ADSL: variants seen among roughly 807,000 people sequenced by gnomAD.
ADSL encodes adenylosuccinate lyase, also known as adenylosuccinase.
ADSL carries 44 observed loss-of-function variants against 62.1 expected under a neutral mutation model. The observed-to-expected ratio is 0.71, with a 90% CI of 0.56 to 0.91. The LOEUF (loss-of-function observed/expected upper bound fraction) is 0.91. ADSL is among the 40% of genes least tolerant of loss of function. The probability of loss-of-function intolerance (pLI) is 0.00; values close to 1 mark genes in which losing one functional copy is unlikely to be tolerated. For missense variants in ADSL, 531 were observed against 627.4 expected, an observed-to-expected ratio of 0.85 and a Z score of 1.64; for synonymous variants, 198 against 220.5, an observed-to-expected ratio of 0.90 and a Z score of 0.90.
At chr22:40,387,354 A>C in intron 2 of ADSL, 1 of 395,124 alleles carries the variant, frequency 2.5e-6, no homozygotes. Context: ...TCTGCAAATG[A>C]AACATTTCCG....
intron 2 of ADSL, among the ~76,000 whole-genome samples, chr22:40,377,562 G>A (rs2046842896): frequency 6.6e-6 from 1 of 152,208 alleles, no homozygotes; most frequent in African/African-American, 2.4e-5. Flanking sequence ...TAGGCCTGGT[G>A]TCGTGGCTCA....
downstream of ADSL, among the ~76,000 whole-genome samples, chr22:40,370,249 G>A (rs1326211122): frequency 1.3e-5 from 2 of 151,738 alleles, no homozygotes; most frequent in Admixed American, 6.6e-5. Flanking sequence ...CCAGCTACTC[G>A]GGAGGCTGAG....
chr22:40,377,556 C>T (rs1327573228), intron 2 of ADSL, among the ~76,000 whole-genome samples: 1 of 152,150 alleles, frequency 6.6e-6, no homozygotes, highest in East Asian at 1.9e-4. Context: ...TTAAAATAGG[C>T]CTGGTGTCGT....
intron 3 of ADSL, chr22:40,353,338 C>G (rs767655083): frequency 4.3e-6 from 3 of 703,424 alleles, no homozygotes; most frequent in African/African-American, 3.5e-5. Flanking sequence ...GCCAGAGTCT[C>G]ATTCTGTCAA....
chr22:40,348,835 C>T (rs2044240910), intron 1 of ADSL: 2 of 368,440 alleles, frequency 5.4e-6, no homozygotes, highest in South Asian at 3.0e-4. Flanking sequence ...TCAGTTTCAC[C>T]ACTGTTTGTA....
chr22:40,353,151 A>G, intron 3 of ADSL, 34 bp downstream of exon 3: 1 of 1,578,942 alleles, frequency 6.3e-7, no homozygotes, highest in African/African-American at 1.3e-5. Flanking sequence ...TACCAACCCT[A>G]GATTCCCTAT....
Position 40,386,314 on chromosome 22 carries a change from G to A in ADSL, c.90-3916G>A, listed in dbSNP as rs1006008749. ...TGATTGTTGAAATCAGCATTATTAA[G>A]TGTGAAATAATATAAAGATATGGAC... On this transcript the variant is annotated intron_variant, in intron 2 of 2. Coordinates refer to the ADSL transcript ENST00000498234. 2.1e-4 allele frequency among the ~76,000 whole-genome samples: 32 copies of A among 152,144 alleles called. 1 individual carries two copies. The highest frequency in any genetic ancestry group is 1.8e-3 in the Admixed American group (28 of 15,276).
chr22:40,363,654 T>G (rs1025016376), intron 10 of ADSL, among the ~76,000 whole-genome samples: 1 of 150,820 alleles, frequency 6.6e-6, no homozygotes, highest in Non-Finnish European at 1.5e-5. Flanking sequence ...GAAAATTGCT[T>G]GAACCCAGGA....
At chr22:40,387,380 G>T in intron 2 of ADSL, 2 of 390,336 alleles carry the variant, frequency 5.1e-6, no homozygotes, top group Non-Finnish European at 9.0e-6. Context: ...TATATAGATG[G>T]TAATGGCAAA....
At chr22:40,362,906 A>G in intron 9 of ADSL, 75 bp from the exon 10 acceptor site, 1 of 1,350,552 alleles carries the variant, frequency 7.4e-7, no homozygotes, top group South Asian at 1.2e-5. Context: ...CAGTAGGGCA[A>G]CTTGTTGGGA....
Position 40,346,526 on chromosome 22 carries a change from T to C in ADSL, c.-33T>C. On this transcript the variant is annotated 5_prime_UTR_variant, in exon 1 of 13. Coordinates refer to ENST00000623063, the MANE Select transcript of ADSL (RefSeq NM_000026.4). ...GGTTTCCGCTTCCGCTCTTCCCTGG[T>C]CCAGTCCACCCTGGCGGGGTCGCAG... 6.3e-7 allele frequency: 1 copy of C among 1,589,340 alleles called. No homozygotes were observed. Among genetic ancestry groups the C allele is most frequent in the African/African-American group, 1.3e-5 (1 of 74,798 alleles).
chr22:40,347,220 C>T (rs2044177783), intron 1 of ADSL: 1 of 159,006 alleles, frequency 6.3e-6, no homozygotes, highest in African/African-American at 2.4e-5. Context: ...CACTCCAGAG[C>T]CTGAGCTGAG....
chr22:40,349,375 CTT>C (rs71263543), intron 1 of ADSL, among the ~76,000 whole-genome samples: 87 of 135,840 alleles, frequency 6.4e-4, no homozygotes, highest in Middle Eastern at 3.8e-3. Context: ...TTGGAGCTTT[CTT>C]TTTTTTTTTT....
intron 10 of ADSL, 71 bp from the exon 11 acceptor site, chr22:40,364,205 A>G (rs1716347823): frequency 4.0e-6 from 5 of 1,255,182 alleles, no homozygotes. Flanking sequence ...ATTTTGTTTG[A>G]CATCCTGCTG....
At chr22:40,354,452 G>T (rs566503261) in intron 4 of ADSL, 125 bp downstream of exon 4, 62 of 826,754 alleles carry the variant, frequency 7.5e-5, no homozygotes, top group Admixed American at 5.7e-4. Flanking sequence ...AAGTAATTTG[G>T]GATGCTTATA....
intron 1 of ADSL, chr22:40,348,565 A>G: frequency 2.5e-6 from 1 of 398,504 alleles, no homozygotes; most frequent in Non-Finnish European, 4.4e-6. Context: ...GTTGTTTTGT[A>G]GAGATGGGTC....
chr22:40,374,632 C>G (rs1408789560), intron 2 of ADSL, among the ~76,000 whole-genome samples: 1 of 152,224 alleles, frequency 6.6e-6, no homozygotes, highest in Admixed American at 6.5e-5. Context: ...CCTGTAATCC[C>G]AGCACTTTGG....
chr22:40,372,377 G>A (rs888436265), downstream of ADSL, among the ~76,000 whole-genome samples: 30 of 151,526 alleles, frequency 2.0e-4, no homozygotes, highest in African/African-American at 5.8e-4. Context: ...TGCCCGCCTC[G>A]GCCTCCCAAA....
intron 9 of ADSL, among the ~76,000 whole-genome samples, chr22:40,362,261 C>T (rs1354614045): frequency 4.6e-5 from 7 of 152,194 alleles, no homozygotes; most frequent in Non-Finnish European, 4.4e-5. Context: ...TCGCATTTTG[C>T]TGGAATTTCT....
Sources: allele counts gnomAD v4.1 joint callset (sites outside exome capture counted in the v4.1 genomes callset), GRCh38; gene constraint gnomAD v4.1.1; transcripts MANE v1.5; gene names NCBI Gene and HGNC (gene_info 2026-07-23, HGNC 2026-07-21).